Variants in CSMD1 observed in about 807,000 individuals in gnomAD.
The protein encoded by CSMD1 is CUB and Sushi multiple domains 1, also known as CUB and sushi domain-containing protein 1.
A neutral mutation model predicts 417.5 loss-of-function variants in CSMD1; 213 were observed. The observed-to-expected ratio is 0.51, with a 90% CI of 0.46 to 0.57. The LOEUF (loss-of-function observed/expected upper bound fraction) is 0.57. CSMD1 is among the 20% of genes least tolerant of loss of function. CSMD1 has a pLI of 0.00. For synonymous variants in CSMD1, 2,862 were observed against 1,736.8 expected, an observed-to-expected ratio of 1.65 and a Z score of -16.11; for missense variants, 6,923 against 4,529.7, an observed-to-expected ratio of 1.53 and a Z score of -15.17.
At chr8:4,461,860 C>A (rs953042642) in intron 2 of CSMD1, among the ~76,000 whole-genome samples, 20 of 151,480 alleles carry the variant, frequency 1.3e-4, no homozygotes, top group African/African-American at 4.6e-4. Flanking sequence ...CCTGCCTCAG[C>A]CTCCCGAGTA....
Position 4,646,027 on chromosome 8 carries a change from T to C in CSMD1, c.86-8469A>G, listed in dbSNP as rs1397239192. Among the ~76,000 whole-genome samples the C allele has an allele frequency of 2.0e-5, 3 of 152,156 alleles. 1 individual carries two copies. The highest frequency in any genetic ancestry group is 7.2e-5 in the African/African-American group (3 of 41,436). The stretch of plus-strand genomic sequence containing the variant: ...TTATTCACGATTCCCAGATCTCACA[T>C]CGATGTTTTGGAAATAAACGATTTT... On this transcript the variant is annotated intron_variant, in intron 1 of 69. Coordinates refer to ENST00000635120, the MANE Select transcript of CSMD1 (RefSeq NM_033225.6).
rs763379840 is a variant in CSMD1 at position 2,951,200 on chromosome 8, G to A, written c.10115C>T (p.Thr3372Ile). The A allele has an allele frequency of 3.1e-6, 5 of 1,612,588 alleles. No individual in the cohort carries two copies. The Admixed American group carries it at 5.0e-5, about 16-fold the overall frequency. ...TGCATTGAACCAGTCAACAGTTAGA[G>A]TGGCGGGTTGTCTTTTCCCTAAATA... ...YEYLGKRQPA[T>I]LTVDWFNATS... Residue 3372 changes from threonine (T) to isoleucine (I), a missense_variant, in exon 66 of 70, where the codon ACT becomes ATT. By Grantham distance (89) the Thr-to-Ile change is moderately conservative. Coordinates refer to ENST00000635120, the MANE Select transcript of CSMD1 (RefSeq NM_033225.6).
chr8:4,334,243 T>G (rs992458496), intron 3 of CSMD1, among the ~76,000 whole-genome samples: 1 of 152,090 alleles, frequency 6.6e-6, no homozygotes, highest in Non-Finnish European at 1.5e-5. Context: ...TAACTTAATG[T>G]GTATGATAAG....
intron 5 of CSMD1, among the ~76,000 whole-genome samples, chr8:3,787,508 G>A (rs372302648): frequency 6.6e-6 from 1 of 152,062 alleles, no homozygotes; most frequent in Admixed American, 6.5e-5. Flanking sequence ...CTTATCAGAA[G>A]AACCTAACAG....
At chr8:4,344,931 C>G (rs6987720) in intron 3 of CSMD1, among the ~76,000 whole-genome samples, 3 of 152,232 alleles carry the variant, frequency 2.0e-5, no homozygotes, top group African/African-American at 7.2e-5. Flanking sequence ...TTGTGGTCAG[C>G]TGGTCTCTGT....
chr8:3,818,346 G>C (rs999458029), intron 5 of CSMD1, among the ~76,000 whole-genome samples: 2 of 152,150 alleles, frequency 1.3e-5, no homozygotes, highest in African/African-American at 2.4e-5. Flanking sequence ...ATGTGAGAGA[G>C]CTAAACCCCT....
intron 2 of CSMD1, among the ~76,000 whole-genome samples, chr8:4,421,002 A>G (rs1797221803): frequency 6.6e-6 from 1 of 152,164 alleles, no homozygotes; most frequent in Non-Finnish European, 1.5e-5. Flanking sequence ...TGTAAACTGC[A>G]GTATCTGCTG....
chr8:3,166,789 A>G (rs987227040), intron 37 of CSMD1, among the ~76,000 whole-genome samples: 1 of 152,202 alleles, frequency 6.6e-6, no homozygotes, highest in Admixed American at 6.5e-5. Flanking sequence ...GCAGACTAAA[A>G]AGAACTCACA....
At chr8:3,872,756 AT>A in intron 5 of CSMD1, among the ~76,000 whole-genome samples, 1 of 151,940 alleles carries the variant, frequency 6.6e-6, no homozygotes, top group Non-Finnish European at 1.5e-5. Flanking sequence ...AACCGGAGAA[AT>A]TTTTTGCAAA....
At chr8:3,501,523 A>G (rs923236304) in intron 10 of CSMD1, among the ~76,000 whole-genome samples, 2 of 152,234 alleles carry the variant, frequency 1.3e-5, no homozygotes, top group African/African-American at 2.4e-5. Context: ...GGAATAAGAT[A>G]ATTTATAAAT....
intron 26 of CSMD1, among the ~76,000 whole-genome samples, chr8:3,272,869 G>C (rs544972397): frequency 2.0e-5 from 3 of 150,178 alleles, no homozygotes; most frequent in Non-Finnish European, 3.0e-5. Context: ...CAATCATGTC[G>C]TCTGCAAACA....
chr8:4,415,772 T>A lies in CSMD1; in HGVS notation c.415+4181A>T, dbSNP rs190271675. On this transcript the variant is annotated intron_variant, in intron 3 of 69. Coordinates refer to ENST00000635120, the MANE Select transcript of CSMD1 (RefSeq NM_033225.6). ...ACACTTGTGCACGTATAAGTATGGA[T>A]AGCAATGTGTATGAGCACACGTGTT... Among the ~76,000 whole-genome samples the A allele has an allele frequency of 9.2e-5, 14 of 152,334 alleles. No individual in the cohort carries two copies. In the East Asian group the frequency reaches 1.3e-3, roughly 15 times the overall value.
intron 1 of CSMD1, among the ~76,000 whole-genome samples, chr8:4,874,461 C>G (rs567805275): frequency 6.7e-6 from 1 of 148,364 alleles, no homozygotes; most frequent in Non-Finnish European, 1.5e-5. Context: ...CCATTCTCGA[C>G]TCACTGCAAT....
At chr8:4,488,380 T>C (rs1202952697) in intron 2 of CSMD1, among the ~76,000 whole-genome samples, 1 of 152,072 alleles carries the variant, frequency 6.6e-6, no homozygotes, top group Non-Finnish European at 1.5e-5. Context: ...ACTTGTTTAA[T>C]CCTCACAATA....
intron 52 of CSMD1, among the ~76,000 whole-genome samples, chr8:3,004,088 T>A (rs1401470123): frequency 1.3e-5 from 2 of 152,216 alleles, no homozygotes; most frequent in Admixed American, 1.3e-4. Flanking sequence ...TCACTGAATT[T>A]TTTTTTTAAA....
intron 12 of CSMD1, among the ~76,000 whole-genome samples, chr8:3,452,092 T>C (rs1221546307): frequency 6.6e-6 from 1 of 152,136 alleles, no homozygotes; most frequent in Non-Finnish European, 1.5e-5. Flanking sequence ...TGAATGGGAG[T>C]TCACTCATGA....
intron 1 of CSMD1, among the ~76,000 whole-genome samples, chr8:4,888,276 T>C (rs1377456086): frequency 1.3e-5 from 2 of 152,108 alleles, no homozygotes; most frequent in East Asian, 1.9e-4. Context: ...CAAGATATGT[T>C]GTTAAATACA....
Position 4,311,766 on chromosome 8 carries a change from T to C in CSMD1, c.415+108187A>G, listed in dbSNP as rs1382337443. Among the ~76,000 whole-genome samples, 9 of 144,620 alleles carry C rather than the reference T, an allele frequency of 6.2e-5. 1 individual carries two copies. The highest frequency in any genetic ancestry group is 1.5e-4 in the African/African-American group (6 of 39,062). The allele number at this position is 144,620 out of a possible 152,430, so 94.9% of individuals were successfully genotyped here. The stretch of plus-strand genomic sequence containing the variant: ...GTAGAATCTAAATTATGAGAGTTCA[T>C]AGAGGGGAACACATAGAGGGGAACA... On this transcript the variant is annotated intron_variant, in intron 3 of 69. Coordinates refer to ENST00000635120, the MANE Select transcript of CSMD1 (RefSeq NM_033225.6).
At chr8:3,323,123 T>TA (rs774276775) in intron 23 of CSMD1, among the ~76,000 whole-genome samples, 2 of 152,188 alleles carry the variant, frequency 1.3e-5, no homozygotes, top group African/African-American at 2.4e-5. Context: ...CATTGTGTTT[T>TA]TGTCTAACAT....
Sources: allele counts gnomAD v4.1 joint callset (sites outside exome capture counted in the v4.1 genomes callset), GRCh38; gene constraint gnomAD v4.1.1; transcripts MANE v1.5; gene names NCBI Gene and HGNC (gene_info 2026-07-23, HGNC 2026-07-21).